Variants in NFATC2 observed in about 807,000 individuals in gnomAD.
NFATC2 encodes nuclear factor of activated T cells 2.
A neutral mutation model predicts 87.3 loss-of-function variants in NFATC2; 22 were observed. The observed-to-expected ratio is 0.25, with a 90% CI of 0.18 to 0.36. The LOEUF (loss-of-function observed/expected upper bound fraction) is 0.36. Ranked by LOEUF, NFATC2 falls within the 10% of genes least tolerant of loss-of-function variation. The pLI is 1.00. For synonymous variants in NFATC2, 565 were observed against 542.2 expected (o/e 1.04, Z -0.58); for missense variants, 1,149 against 1,259.1 (o/e 0.91, Z 1.32).
chr20:51,442,073 G>A (rs1984416917), intron 6 of NFATC2, among the ~76,000 whole-genome samples: 1 of 152,168 alleles, frequency 6.6e-6, no homozygotes. Flanking sequence ...ATCAGTAGAA[G>A]AGCACTGGGC....
intron 8 of NFATC2, among the ~76,000 whole-genome samples, chr20:51,433,130 C>T (rs114947143): frequency 0.025 from 3,877 of 152,194 alleles, 68 homozygotes; most frequent in African/African-American, 0.037. Flanking sequence ...GCTTGCTTTC[C>T]TTTCTACTGC....
chr20:51,453,940 C>T (rs907452445), intron 6 of NFATC2, among the ~76,000 whole-genome samples: 1 of 152,174 alleles, frequency 6.6e-6, no homozygotes, highest in Non-Finnish European at 1.5e-5. Context: ...CATATAGATT[C>T]ATGTACAAGA....
At chr20:51,528,085 C>CA (rs56201141) in intron 1 of NFATC2, among the ~76,000 whole-genome samples, 6,585 of 94,040 alleles carry the variant, frequency 0.07, 383 homozygotes, top group African/African-American at 0.17. Flanking sequence ...GAACCTGTCC[C>CA]AAAAAAAAAA....
chr20:51,401,342 A>C (rs1568930381), intron 9 of NFATC2, among the ~76,000 whole-genome samples: 1 of 151,076 alleles, frequency 6.6e-6, no homozygotes, highest in Non-Finnish European at 1.5e-5. Context: ...TCTCAAAAAA[A>C]TAAAAATAAA....
intron 5 of NFATC2, among the ~76,000 whole-genome samples, chr20:51,455,425 G>A (rs546826734): frequency 6.6e-6 from 1 of 151,676 alleles, no homozygotes; most frequent in East Asian, 2.0e-4. Context: ...CCTCCTCTGG[G>A]AGGCTTCTTT....
intron 6 of NFATC2, among the ~76,000 whole-genome samples, chr20:51,445,401 T>C (rs1568987529): frequency 6.6e-6 from 1 of 152,132 alleles, no homozygotes; most frequent in Non-Finnish European, 1.5e-5. Context: ...AGCCATCTCC[T>C]CCAGCAAGAG....
chr20:51,455,420 T>C (rs528677096), intron 5 of NFATC2, among the ~76,000 whole-genome samples: 3 of 151,998 alleles, frequency 2.0e-5, no homozygotes, highest in Non-Finnish European at 4.4e-5. Context: ...TGTCACCTCC[T>C]CTGGGAGGCT....
chr20:51,429,939 C>T (rs1287373407), intron 9 of NFATC2, among the ~76,000 whole-genome samples: 1 of 151,974 alleles, frequency 6.6e-6, no homozygotes, highest in Non-Finnish European at 1.5e-5. Flanking sequence ...GACTTTGAAC[C>T]TGCCTGCGTT....
chr20:51,515,741 G>A (rs980550763), intron 3 of NFATC2, among the ~76,000 whole-genome samples: 3 of 150,878 alleles, frequency 2.0e-5, no homozygotes, highest in Non-Finnish European at 4.4e-5. Flanking sequence ...TATCATAGAT[G>A]TCCTTAATCA....
intron 1 of NFATC2, among the ~76,000 whole-genome samples, chr20:51,533,101 G>T (rs1428087981): frequency 2.0e-5 from 3 of 152,218 alleles, no homozygotes; most frequent in African/African-American, 7.2e-5. Context: ...TGGCACCGCA[G>T]ATCTGTAGCC....
chr20:51,552,979 T>C (rs2076946761), intron 1 of NFATC2, among the ~76,000 whole-genome samples: 2 of 152,054 alleles, frequency 1.3e-5, no homozygotes, highest in South Asian at 4.2e-4. Context: ...CGCACCTTCC[T>C]GGCAAGGCCC....
At chr20:51,538,780 C>T (rs113467657) in intron 1 of NFATC2, among the ~76,000 whole-genome samples, 1,987 of 152,280 alleles carry the variant, frequency 0.013, 38 homozygotes, top group East Asian at 0.05. Context: ...AGGCAGGTAA[C>T]GGTCCTATGA....
At chr20:51,559,881 T>C (rs969416857) in intron 1 of NFATC2, among the ~76,000 whole-genome samples, 15 of 152,270 alleles carry the variant, frequency 9.9e-5, no homozygotes, top group African/African-American at 3.6e-4. Flanking sequence ...CATCATTTCA[T>C]ACGATGCTCT....
At chr20:51,477,967 C>G (rs1467739467) in intron 3 of NFATC2, among the ~76,000 whole-genome samples, 1 of 152,166 alleles carries the variant, frequency 6.6e-6, no homozygotes, top group African/African-American at 2.4e-5. Context: ...GTGGCAGCCA[C>G]AATGAACAAA....
chr20:51,434,592 G>A (rs1983276119), intron 8 of NFATC2, among the ~76,000 whole-genome samples: 2 of 152,128 alleles, frequency 1.3e-5, no homozygotes, highest in Admixed American at 1.3e-4. Context: ...ACATGGACAG[G>A]GATTCTTACC....
intron 1 of NFATC2, among the ~76,000 whole-genome samples, chr20:51,531,657 G>C (rs1285923612): frequency 1.3e-5 from 2 of 152,150 alleles, no homozygotes; most frequent in East Asian, 1.9e-4. Context: ...GTGTGACACG[G>C]GGTGATGACA....
chr20:51,478,474 G>A (rs781666322), intron 3 of NFATC2, among the ~76,000 whole-genome samples: 3 of 152,014 alleles, frequency 2.0e-5, no homozygotes, highest in African/African-American at 4.8e-5. Flanking sequence ...AAACAGGCAG[G>A]GAACACCTGG....
intron 10 of NFATC2, among the ~76,000 whole-genome samples, chr20:51,396,876 G>GGTAA (rs921102630): frequency 1.2e-4 from 19 of 152,114 alleles, no homozygotes; most frequent in Admixed American, 9.8e-4. Context: ...AAGGCCAAGA[G>GGTAA]GTAAGTTTCC....
At chr20:51,431,153 C>T (rs375091073) in intron 9 of NFATC2, among the ~76,000 whole-genome samples, 62 of 152,200 alleles carry the variant, frequency 4.1e-4, no homozygotes, top group African/African-American at 7.5e-4. Context: ...AATATATATA[C>T]CTGCTCTATA....
Sources: gnomAD v4.1 joint callset for allele counts (sites outside exome capture counted in the v4.1 genomes callset) on GRCh38, gnomAD v4.1.1 for gene constraint, MANE v1.5 for transcripts, NCBI Gene and HGNC (gene_info 2026-07-23, HGNC 2026-07-21) for gene names.